Variants in RNF43 observed in about 807,000 individuals in gnomAD.
The protein encoded by RNF43 is ring finger protein 43, also known as E3 ubiquitin-protein ligase RNF43.
Under a neutral mutation model 78.4 loss-of-function variants are expected in RNF43, and 37 were observed. The observed-to-expected ratio is 0.47, with a 90% confidence interval of 0.36 to 0.62. The LOEUF is 0.62. Among genes scored for constraint, RNF43 ranks in the 20% least tolerant of loss-of-function variants. The probability of loss-of-function intolerance (pLI) is 0.00; values close to 1 mark genes in which losing one functional copy is unlikely to be tolerated. For missense variants in RNF43, 774 were observed against 1,007.9 expected (o/e 0.77, Z 3.14); for synonymous variants, 347 against 395.0 (o/e 0.88, Z 1.44).
intron 9 of RNF43, among the ~76,000 whole-genome samples, chr17:58,355,687 A>T (rs1972672001): frequency 6.6e-6 from 1 of 152,198 alleles, no homozygotes; most frequent in African/African-American, 2.4e-5. Flanking sequence ...CTCTCTGTGG[A>T]CAAACAGAAC....
chr17:58,367,348 T>C (rs184024004), intron 3 of RNF43, among the ~76,000 whole-genome samples: 2 of 152,116 alleles, frequency 1.3e-5, no homozygotes, highest in African/African-American at 4.8e-5. Flanking sequence ...CGACATGTGA[T>C]TTCATTTACT....
In RNF43 at chr17:58,371,041, G is replaced by T; in HGVS notation, c.253-8C>A. ...CAGGTACAGCGGGTGGGACTGCAGA[G>T]AGAGACAGACTTGGGTTAGGGAGGC... On this transcript the variant is annotated splice_polypyrimidine_tract_variant and splice_region_variant and intron_variant, in intron 2 of 9. Coordinates refer to ENST00000407977, the MANE Select transcript of RNF43 (RefSeq NM_017763.6). The T allele has an allele frequency of 1.9e-6, 3 of 1,569,614 alleles. No homozygotes were observed. The highest frequency in any genetic ancestry group is 2.6e-6 in the Non-Finnish European group (3 of 1,153,426).
intron 3 of RNF43, among the ~76,000 whole-genome samples, chr17:58,369,151 A>G (rs1344889529): frequency 6.6e-6 from 1 of 152,210 alleles, no homozygotes; most frequent in Non-Finnish European, 1.5e-5. Context: ...TTGTTTACCA[A>G]ATGAATAAAT....
chr17:58,384,344 G>A (rs1973387304), intron 2 of RNF43, among the ~76,000 whole-genome samples: 1 of 152,142 alleles, frequency 6.6e-6, no homozygotes, highest in Non-Finnish European at 1.5e-5. Flanking sequence ...AGGGAGGGGA[G>A]CCAAATTCCT....
chr17:58,382,131 T>G (rs1427590196), intron 2 of RNF43, among the ~76,000 whole-genome samples: 1 of 152,200 alleles, frequency 6.6e-6, no homozygotes, highest in Non-Finnish European at 1.5e-5. Flanking sequence ...ACTTACCTCT[T>G]ACTGTGGGTC....
chr17:58,408,110 T>C (rs896333028), intron 2 of RNF43, among the ~76,000 whole-genome samples: 2 of 152,254 alleles, frequency 1.3e-5, no homozygotes, highest in African/African-American at 2.4e-5. Context: ...CTTTAAGTAA[T>C]ACATACAAGT....
chr17:58,380,849 A>C (rs768145131), intron 2 of RNF43, among the ~76,000 whole-genome samples: 6 of 152,218 alleles, frequency 3.9e-5, no homozygotes, highest in Non-Finnish European at 7.4e-5. Flanking sequence ...TAGGGATTTC[A>C]AGGTGTCCTG....
intron 2 of RNF43, among the ~76,000 whole-genome samples, chr17:58,395,873 A>G (rs1262628676): frequency 6.6e-6 from 1 of 152,110 alleles, no homozygotes; most frequent in African/African-American, 2.4e-5. Flanking sequence ...CTTCTCTTTC[A>G]TTTTCTGTAT....
Position 58,354,892 on chromosome 17 carries a change from G to C in RNF43, c.*51C>G, listed in dbSNP as rs755206268. 1.9e-6 allele frequency: 3 copies of C among 1,552,530 alleles called. No homozygotes were observed. The highest frequency in any genetic ancestry group is 2.7e-6 in the Non-Finnish European group (3 of 1,123,888). On this transcript the variant is annotated 3_prime_UTR_variant, in exon 10 of 10. Transcript: ENST00000407977. ...AGGAGCAGGACTCTGTGCCAGGTAGGGCCCAAACACATCTGGAGCACACTC... is the reference window on the plus strand; with the variant it reads ...AGGAGCAGGACTCTGTGCCAGGTAGCGCCCAAACACATCTGGAGCACACTC...
intron 2 of RNF43, among the ~76,000 whole-genome samples, chr17:58,401,195 T>C (rs1256370552): frequency 2.0e-5 from 3 of 152,214 alleles, no homozygotes; most frequent in Non-Finnish European, 4.4e-5. Context: ...TGCTTATTAA[T>C]AGATCCTCAT....
At chr17:58,386,430 AC>A (rs2143583043) in intron 2 of RNF43, among the ~76,000 whole-genome samples, 1 of 152,364 alleles carries the variant, frequency 6.6e-6, no homozygotes, top group South Asian at 2.1e-4. Context: ...CTGTAAAAAA[AC>A]AAAACAAAAC....
chr17:58,353,583 C>T (rs1165015212), downstream of RNF43: 3 of 207,580 alleles, frequency 1.4e-5, no homozygotes, highest in Admixed American at 1.2e-4. Context: ...CCTCTGATAA[C>T]ATAAATAATT....
At chr17:58,363,050 T>C in intron 5 of RNF43, 1 of 580,448 alleles carries the variant, frequency 1.7e-6, no homozygotes, top group South Asian at 2.3e-5. Flanking sequence ...GCCACAGAGC[T>C]GTAAAGAACT....
intron 2 of RNF43, among the ~76,000 whole-genome samples, chr17:58,403,313 C>CTAA (rs1251031899): frequency 1.3e-5 from 2 of 152,150 alleles, no homozygotes; most frequent in African/African-American, 4.8e-5. Flanking sequence ...TCACATAATC[C>CTAA]CCCAGTCTCC....
At position 58,391,342 on chromosome 17, in the gene RNF43, C is replaced by A. The variant is rs148082811; in HGVS notation, c.253-20309G>T. Among the ~76,000 whole-genome samples the A allele has an allele frequency of 1.2e-3, 178 of 152,358 alleles. 1 individual carries two copies. The highest frequency in any genetic ancestry group is 4.0e-3 in the African/African-American group (167 of 41,596). Reference sequence around the variant, plus strand: ...TCTCCACCACTACCCCCATTCCACACCGCCCAACACATTTTTTTCCTTCCA... The same window carrying A: ...TCTCCACCACTACCCCCATTCCACAACGCCCAACACATTTTTTTCCTTCCA... On this transcript the variant is annotated intron_variant, in intron 2 of 9. Transcript: ENST00000407977.
intron 2 of RNF43, among the ~76,000 whole-genome samples, chr17:58,392,231 G>C (rs1209739182): frequency 2.0e-5 from 3 of 152,202 alleles, no homozygotes; most frequent in Admixed American, 6.5e-5. Context: ...AAAGTAGGGA[G>C]AGCTAAGAAA....
chr17:58,373,907 T>C (rs1973151942), intron 2 of RNF43, among the ~76,000 whole-genome samples: 1 of 152,210 alleles, frequency 6.6e-6, no homozygotes, highest in Non-Finnish European at 1.5e-5. Context: ...CTGACTCCAT[T>C]GTCGGAGCCA....
intron 2 of RNF43, among the ~76,000 whole-genome samples, chr17:58,382,358 G>A (rs1973337683): frequency 6.6e-6 from 1 of 152,190 alleles, no homozygotes; most frequent in Non-Finnish European, 1.5e-5. Context: ...ATAAACAGAT[G>A]TGAGGTAAAA....
chr17:58,389,795 A>G (rs974750514), intron 2 of RNF43, among the ~76,000 whole-genome samples: 4 of 152,238 alleles, frequency 2.6e-5, no homozygotes, highest in Non-Finnish European at 5.9e-5. Flanking sequence ...TACTACATAA[A>G]TATGATCTAA....
Sources: allele counts gnomAD v4.1 joint callset (sites outside exome capture counted in the v4.1 genomes callset), GRCh38; gene constraint gnomAD v4.1.1; transcripts MANE v1.5; gene names NCBI Gene and HGNC (gene_info 2026-07-23, HGNC 2026-07-21).